Variants in ACLY observed in about 807,000 individuals in gnomAD.
ACLY encodes ATP-citrate synthase.
In ACLY, 41 loss-of-function variants were observed where a neutral mutation model predicts 133.0. The ratio of observed to expected loss-of-function variants is 0.31; its 90% confidence interval spans 0.24 to 0.40. The LOEUF is 0.40. Among genes scored for constraint, ACLY ranks in the 10% least tolerant of loss-of-function variants. The pLI, the probability that ACLY is intolerant of heterozygous loss-of-function variation, is 1.00. For synonymous variants in ACLY, 495 were observed against 549.3 expected, an observed-to-expected ratio of 0.90 and a Z score of 1.38; for missense variants, 1,046 against 1,453.8, an observed-to-expected ratio of 0.72 and a Z score of 4.56.
At chr17:41,903,328 G>A (rs1042862635) in intron 10 of ACLY, among the ~76,000 whole-genome samples, 2 of 152,176 alleles carry the variant, frequency 1.3e-5, no homozygotes, top group Admixed American at 6.6e-5. Context: ...TTTAAAGCAT[G>A]TGCACACACA....
chr17:41,869,003 C>A, intron 27 of ACLY, 40 bp downstream of exon 27: 1 of 1,546,960 alleles, frequency 6.5e-7, no homozygotes, highest in South Asian at 1.2e-5. Context: ...CAACAAAAAT[C>A]AACAAACGTA....
At chr17:41,883,879 T>C (rs538303158) in intron 19 of ACLY, among the ~76,000 whole-genome samples, 18 of 152,212 alleles carry the variant, frequency 1.2e-4, no homozygotes, top group Admixed American at 1.2e-3. Flanking sequence ...TGAGCCACCA[T>C]ACCTGGCCAA....
At chr17:41,889,550 A>AAAAAAAAAAAAAAT (rs2049148666) in intron 16 of ACLY, among the ~76,000 whole-genome samples, 1 of 149,552 alleles carries the variant, frequency 6.7e-6, no homozygotes, top group Non-Finnish European at 1.5e-5. Flanking sequence ...AAAAAAAAAA[A>AAAAAAAAAAAAAAT]AAAAAAGAAG....
Position 41,878,143 on chromosome 17 carries a change from A to C in ACLY, c.2447T>G (p.Val816Gly). 6.3e-7 allele frequency: 1 copy of C among 1,592,460 alleles called. No homozygotes were observed. The highest frequency in any genetic ancestry group is 8.5e-7 in the Non-Finnish European group (1 of 1,169,650). The change falls in exon 22 of 29, where the codon GTG becomes GGG. Residue 816 changes from valine (V) to glycine (G), a missense_variant. Physicochemically the swap from Val to Gly is moderately radical, Grantham distance 109. Transcript: ENST00000352035. ...GTCCATGGGCACGGTTGGGGGCGGC[A>C]CCTCCTGGGCAGGTACAATGACTCC... ...ANGVIVPAQE[V>G]PPPTVPMDYS...
intron 1 of ACLY, among the ~76,000 whole-genome samples, chr17:41,924,513 G>C (rs2050219357): frequency 6.6e-6 from 1 of 152,034 alleles, no homozygotes; most frequent in African/African-American, 2.4e-5. Context: ...CTCTCTCCTT[G>C]TAACAGCCCA....
At chr17:41,898,890 G>T in intron 11 of ACLY, 105 bp from the exon 12 acceptor site, 1 of 1,147,036 alleles carries the variant, frequency 8.7e-7, no homozygotes, top group Non-Finnish European at 1.2e-6. Context: ...AGTGTTTGGC[G>T]CATTCAGTGC....
chr17:41,929,166 C>T (rs2050281202), intron 1 of ACLY, among the ~76,000 whole-genome samples: 1 of 150,378 alleles, frequency 6.6e-6, no homozygotes, highest in Non-Finnish European at 1.5e-5. Context: ...CCAAACATGG[C>T]TCACTGCAGC....
chr17:41,896,522 T>C (rs1391681127), intron 14 of ACLY, 98 bp downstream of exon 14: 3 of 1,174,058 alleles, frequency 2.6e-6, no homozygotes, highest in East Asian at 2.6e-5. Flanking sequence ...CAGACGACAC[T>C]GCAACCCACC....
At chr17:41,898,243 G>A (rs2049428754) in intron 12 of ACLY, among the ~76,000 whole-genome samples, 1 of 152,160 alleles carries the variant, frequency 6.6e-6, no homozygotes, top group African/African-American at 2.4e-5. Flanking sequence ...CTCCCGAGTA[G>A]CTGGGATTAC....
intron 6 of ACLY, among the ~76,000 whole-genome samples, chr17:41,907,821 T>C (rs1555632949): frequency 6.6e-6 from 1 of 152,328 alleles, no homozygotes; most frequent in Non-Finnish European, 1.5e-5. Flanking sequence ...CTGTATTAGT[T>C]GCCATGGCAA....
intron 3 of ACLY, among the ~76,000 whole-genome samples, chr17:41,911,203 G>A (rs2049891952): frequency 6.6e-6 from 1 of 152,228 alleles, no homozygotes. Flanking sequence ...CCCAATGAGG[G>A]AGGAAGACAT....
intron 1 of ACLY, among the ~76,000 whole-genome samples, chr17:41,914,525 G>A (rs1239847664): frequency 3.9e-5 from 6 of 152,160 alleles, no homozygotes; most frequent in Non-Finnish European, 7.3e-5. Flanking sequence ...AGGGGAGGGG[G>A]GAGGATCATC....
At chr17:41,900,069 CAAAAAAAAAAA>C (rs60296550) in intron 11 of ACLY, among the ~76,000 whole-genome samples, 25 of 46,614 alleles carry the variant, frequency 5.4e-4, no homozygotes, top group East Asian at 1.3e-3. Flanking sequence ...ACCCTGTCTC[CAAAAAAAAAAA>C]AAAAAAAAAA....
At chr17:41,909,769 T>A (rs2049842182) in intron 4 of ACLY, 69 bp from the exon 5 acceptor site, 7 of 1,406,462 alleles carry the variant, frequency 5.0e-6, no homozygotes, top group Non-Finnish European at 5.9e-6. Context: ...GGCGCTGAAC[T>A]GGGGAAGATG....
rs555891895 is a variant in ACLY at position 41,876,054 on chromosome 17, C to T, written c.2487+2049G>A. 9.3e-5 allele frequency among the ~76,000 whole-genome samples: 14 copies of T among 151,076 alleles called. No individual in the cohort carries two copies. In the East Asian group the frequency reaches 2.5e-3, roughly 27 times the overall value. Reference sequence around the variant, plus strand: ...GAGGTGAGGAGCGTCTCTGCCCGGCCGCCCATCGTCTGAGATGTGGGGATG... The same window carrying T: ...GAGGTGAGGAGCGTCTCTGCCCGGCTGCCCATCGTCTGAGATGTGGGGATG... On this transcript the variant is annotated intron_variant, in intron 22 of 28. Coordinates refer to ENST00000352035, the MANE Select transcript of ACLY (RefSeq NM_001096.3).
chr17:41,871,165 T>C (rs2048587274), intron 25 of ACLY, among the ~76,000 whole-genome samples: 1 of 152,192 alleles, frequency 6.6e-6, no homozygotes, highest in Non-Finnish European at 1.5e-5. Flanking sequence ...GCTATTTCCA[T>C]ACTGCAAGCG....
In ACLY at chr17:41,905,200, C is replaced by T. The variant is rs56060392; in HGVS notation, c.1003+322G>A. Reference sequence around the variant, plus strand: ...TATAAGAGGGTCACTGAGTTTATTGCAATCAGAGTTTATCGCAATCGGATA... The same window carrying T: ...TATAAGAGGGTCACTGAGTTTATTGTAATCAGAGTTTATCGCAATCGGATA... On this transcript the variant is annotated intron_variant, in intron 9 of 28. Coordinates refer to ENST00000352035, the MANE Select transcript of ACLY (RefSeq NM_001096.3). Among the ~76,000 whole-genome samples, 1,248 of 152,266 alleles carry T rather than the reference C, an allele frequency of 8.2e-3. 21 individuals carry two copies. The highest frequency in any genetic ancestry group is 0.028 in the African/African-American group (1,181 of 41,548).
At chr17:41,911,333 AG>A (rs1441631457) in intron 3 of ACLY, among the ~76,000 whole-genome samples, 2 of 152,216 alleles carry the variant, frequency 1.3e-5, no homozygotes, top group Non-Finnish European at 2.9e-5. Context: ...CTACAGAGCC[AG>A]GTGTGGATGG....
At chr17:41,868,676 A>C (rs781879993) in intron 28 of ACLY, 33 bp downstream of exon 28, 3 of 1,600,036 alleles carry the variant, frequency 1.9e-6, no homozygotes, top group African/African-American at 1.3e-5. Context: ...GGGTTTAAAA[A>C]AAAACACTTA....
Sources: gnomAD v4.1 joint callset for allele counts (sites outside exome capture counted in the v4.1 genomes callset) on GRCh38, gnomAD v4.1.1 for gene constraint, MANE v1.5 for transcripts, NCBI Gene and HGNC (gene_info 2026-07-23, HGNC 2026-07-21) for gene names.